PNOC: variants seen among roughly 807,000 people sequenced by gnomAD.
The protein encoded by PNOC is prepronociceptin.
In PNOC, 10 loss-of-function variants were observed where a neutral mutation model predicts 15.6. The observed-to-expected ratio is 0.64, with a 90% CI of 0.40 to 1.09. PNOC has a LOEUF of 1.09. Ranked by LOEUF, PNOC falls within the 50% of genes least tolerant of loss-of-function variation. The probability of loss-of-function intolerance (pLI) is 0.01; values close to 1 mark genes in which losing one functional copy is unlikely to be tolerated. For synonymous variants in PNOC, 98 were observed against 88.5 expected (o/e 1.11, Z -0.60); for missense variants, 220 against 223.9 (o/e 0.98, Z 0.11).
At chr8:28,333,308 A>C (rs1488377025) in intron 2 of PNOC, among the ~76,000 whole-genome samples, 1 of 152,116 alleles carries the variant, frequency 6.6e-6, no homozygotes, top group African/African-American at 2.4e-5. Context: ...CTTTCCCCAT[A>C]AGCCCAGCTT....
At chr8:28,330,243 TCC>T (rs1801299441) in intron 2 of PNOC, among the ~76,000 whole-genome samples, 2 of 151,342 alleles carry the variant, frequency 1.3e-5, no homozygotes, top group Non-Finnish European at 3.0e-5. Context: ...ACCGTGCCCC[TCC>T]GCATAGCCAT....
At chr8:28,330,400 T>TATTTA (rs1431540071) in intron 2 of PNOC, among the ~76,000 whole-genome samples, 11 of 102,246 alleles carry the variant, frequency 1.1e-4, no homozygotes, top group East Asian at 4.8e-4. Flanking sequence ...TATTTTATTT[T>TATTTA]TTTTTTTTTT....
intron 2 of PNOC, 87 bp from the exon 3 acceptor site, chr8:28,338,953 T>TG (rs979116358): frequency 1.3e-5 from 17 of 1,265,166 alleles, no homozygotes; most frequent in Non-Finnish European, 1.9e-5. Context: ...GCACTTGCAC[T>TG]GGTGCAGTGG....
In PNOC at chr8:28,339,138, C is replaced by T. The variant is rs1476572139; in HGVS notation, c.225C>T (p.Ala75=). 3 of 1,612,858 alleles carry T rather than the reference C, an allele frequency of 1.9e-6. No homozygotes were observed. The highest frequency in any genetic ancestry group is 1.3e-5 in the African/African-American group (1 of 74,918). Residue 75 remains alanine (A), a synonymous_variant, in exon 3 of 4, where the codon GCC becomes GCT. Transcript: ENST00000301908. ...GGAGCTCTTGGCAGCTCAGCCCTGC[C>T]GCCCCAGAGCATGTGGCGGCTGCTC... The part of the protein sequence containing the change: ...MARSSWQLSP[A]APEHVAAALY...
chr8:28,326,154 C>A (rs1801222112), intron 1 of PNOC, among the ~76,000 whole-genome samples: 2 of 151,962 alleles, frequency 1.3e-5, no homozygotes, highest in Admixed American at 6.6e-5. Context: ...GAGTTCGAGA[C>A]CAGCCTAGGC....
At chr8:28,342,670 G>C (rs1437573314) in intron 3 of PNOC, among the ~76,000 whole-genome samples, 1 of 152,184 alleles carries the variant, frequency 6.6e-6, no homozygotes, top group African/African-American at 2.4e-5. Flanking sequence ...ATACCAGCAA[G>C]AACTGTTCCC....
At chr8:28,329,044 G>C in intron 1 of PNOC, 91 bp from the exon 2 acceptor site, 1 of 1,259,400 alleles carries the variant, frequency 7.9e-7, no homozygotes. Flanking sequence ...GCAGAGAAGT[G>C]TCTTTCCTGC....
At chr8:28,328,053 C>T (rs1397091994) in intron 1 of PNOC, among the ~76,000 whole-genome samples, 6 of 131,282 alleles carry the variant, frequency 4.6e-5, no homozygotes, top group Admixed American at 1.7e-4. Context: ...TTCCATCTCT[C>T]TCTCTCTTTT....
intron 3 of PNOC, 138 bp downstream of exon 3, chr8:28,339,629 A>G: frequency 1.6e-6 from 1 of 614,800 alleles, no homozygotes; most frequent in Non-Finnish European, 2.4e-6. Context: ...CAAGGAGTCC[A>G]GCCCACCCTT....
At chr8:28,323,756 T>A (rs1801182230) in intron 1 of PNOC, among the ~76,000 whole-genome samples, 1 of 152,260 alleles carries the variant, frequency 6.6e-6, no homozygotes, top group Admixed American at 6.5e-5. Flanking sequence ...TCTACTGAGT[T>A]TTCAAAGTTC....
At chr8:28,340,300 T>C (rs544056331) in intron 3 of PNOC, 1 of 152,424 alleles carries the variant, frequency 6.6e-6, no homozygotes, top group South Asian at 2.1e-4. Flanking sequence ...TTCTTCCTTG[T>C]TCTCTCTTTC....
At chr8:28,317,669 G>C (rs1369845409) in intron 1 of PNOC, among the ~76,000 whole-genome samples, 2 of 152,130 alleles carry the variant, frequency 1.3e-5, no homozygotes, top group Non-Finnish European at 2.9e-5. Context: ...GGAGGGGCAG[G>C]CACTTGGGAG....
chr8:28,338,747 T>C (rs1801457379), intron 2 of PNOC: 1 of 1,123,322 alleles, frequency 8.9e-7, no homozygotes. Context: ...GGCGCATTTA[T>C]CCTGTGTTAA....
At chr8:28,323,955 G>C (rs1801185547) in intron 1 of PNOC, among the ~76,000 whole-genome samples, 1 of 152,216 alleles carries the variant, frequency 6.6e-6, no homozygotes, top group Non-Finnish European at 1.5e-5. Flanking sequence ...TGCAGATTCT[G>C]TGAATTGCAG....
intron 1 of PNOC, among the ~76,000 whole-genome samples, chr8:28,320,589 G>A (rs906863534): frequency 1.3e-5 from 2 of 152,162 alleles, no homozygotes; most frequent in Non-Finnish European, 2.9e-5. Context: ...AGTGGCTCAT[G>A]CCTGTAATCC....
intron 3 of PNOC, among the ~76,000 whole-genome samples, chr8:28,340,679 A>G (rs1030088666): frequency 9.8e-5 from 15 of 152,356 alleles, no homozygotes; most frequent in African/African-American, 1.9e-4. Context: ...TCTGCAGTCT[A>G]TACAAGAAGC....
chr8:28,339,895 A>G (rs1462600819), intron 3 of PNOC: 1 of 155,112 alleles, frequency 6.4e-6, no homozygotes, highest in Non-Finnish European at 1.4e-5. Context: ...CCATTAGCAG[A>G]GTCCAATTAC....
chr8:28,329,709 G>C (rs1229758419), intron 2 of PNOC, among the ~76,000 whole-genome samples: 1 of 152,044 alleles, frequency 6.6e-6, no homozygotes, highest in African/African-American at 2.4e-5. Context: ...ATAGTCTACA[G>C]TTGGCCCTTG....
chr8:28,338,263 A>G (rs958706197), intron 2 of PNOC, among the ~76,000 whole-genome samples: 1 of 152,178 alleles, frequency 6.6e-6, no homozygotes. Context: ...GGCCAAGGTC[A>G]GAACCAGCCA....
Sources: gnomAD v4.1 joint callset for allele counts (sites outside exome capture counted in the v4.1 genomes callset) on GRCh38, gnomAD v4.1.1 for gene constraint, MANE v1.5 for transcripts, NCBI Gene and HGNC (gene_info 2026-07-23, HGNC 2026-07-21) for gene names.